POLRMT: variants seen among roughly 807,000 people sequenced by gnomAD.
The protein encoded by POLRMT is RNA polymerase mitochondrial.
In POLRMT, 114 loss-of-function variants were observed where a neutral mutation model predicts 132.2. That is an observed-to-expected ratio of 0.86 (90% CI 0.74 to 1.01). The LOEUF is 1.01. Among genes scored for constraint, POLRMT ranks in the 50% least tolerant of loss-of-function variants. POLRMT has a pLI of 0.00. For synonymous variants in POLRMT, 1,020 were observed against 773.4 expected (o/e 1.32, Z -5.29); for missense variants, 2,003 against 1,729.1 (o/e 1.16, Z -2.81).
chr19:623,432 G>C (rs775311805), intron 6 of POLRMT, 22 bp downstream of exon 6: 2 of 1,607,548 alleles, frequency 1.2e-6, no homozygotes, highest in Non-Finnish European at 1.7e-6. Flanking sequence ...CGGCGGACAC[G>C]GGACCCCGGC....
intron 15 of POLRMT, 93 bp from the exon 16 acceptor site, chr19:618,853 G>C: frequency 6.9e-7 from 1 of 1,448,852 alleles, no homozygotes; most frequent in East Asian, 2.5e-5. Flanking sequence ...TGGCACGCTA[G>C]GATGGTGGCA....
rs563912664 is a variant in POLRMT, at chr19:620,479, C to T, written c.2649G>A (p.Lys883=). 151 of 1,591,222 alleles carry T rather than the reference C, an allele frequency of 9.5e-5. No individual in the cohort carries two copies. In the South Asian group the frequency reaches 1.5e-3, roughly 16 times the overall value. Residue 883 remains lysine (K), a synonymous_variant, in exon 11 of 21, where the codon AAG becomes AAA. Transcript: ENST00000588649. Reference sequence around the variant, plus strand: ...AGGGTTCCTCCGCGCCCATCCACCACTTTCGGCCCTGCGGGGACAGCGGAT... The same window carrying T: ...AGGGTTCCTCCGCGCCCATCCACCATTTTCGGCCCTGCGGGGACAGCGGAT... ...DSADQPLTGR[K]WWMGAEEPWQ...
rs1265375487 is a variant in POLRMT at position 632,318 on chromosome 19, C to T, written c.193+516G>A. ...GCAGACAGGATGTGGGACAGAAGCA[C>T]CGGCGGGAAGCAAGCACAGGGAAGC... On this transcript the variant is annotated intron_variant, in intron 2 of 20. Transcript: ENST00000588649. Among the ~76,000 whole-genome samples the T allele has an allele frequency of 5.3e-5, 8 of 152,330 alleles. No individual in the cohort carries two copies. The South Asian group carries it at 1.2e-3, about 24-fold the overall frequency.
Position 621,682 on chromosome 19 carries a change from G to C in POLRMT, c.2016C>G (p.Arg672=). The C allele has an allele frequency of 6.4e-7, 1 of 1,574,070 alleles. No homozygotes were observed. Among genetic ancestry groups the C allele is most frequent in the Non-Finnish European group, 8.6e-7 (1 of 1,163,042 alleles). The change falls in exon 10 of 21, where the codon CGC becomes CGG. Residue 672 remains arginine, a synonymous_variant. Coordinates refer to ENST00000588649, the MANE Select transcript of POLRMT (RefSeq NM_005035.4). ...GGTGCTGCGTGGCGCCTTCCACCGT[G>C]CGCATCAGCTTGGTGGGGCTGAGCA... is the stretch of plus-strand genomic sequence containing the variant. ...AFLLSPTKLM[R]TVEGATQHQE...
At position 617,229 on chromosome 19, in the gene POLRMT, G is replaced by A. The variant is rs1404735666; in HGVS notation, c.*45C>T. On this transcript the variant is annotated 3_prime_UTR_variant, in exon 21 of 21. Transcript: ENST00000588649. ...TTCCTGAAGACAGTGGCTCCTGGGG[G>A]TGGCAAAAGAGCTTTATTTACACAC... is the stretch of plus-strand genomic sequence containing the variant. 2 of 1,604,820 alleles carry A rather than the reference G, an allele frequency of 1.2e-6. No individual in the cohort carries two copies. Among genetic ancestry groups the A allele is most frequent in the East Asian group, 2.2e-5 (1 of 44,824 alleles).
intron 2 of POLRMT, 145 bp from the exon 3 acceptor site, chr19:630,313 C>T (rs974070192): frequency 6.4e-5 from 63 of 982,504 alleles, no homozygotes; most frequent in Non-Finnish European, 8.5e-5. Context: ...TTGCCAACAA[C>T]GTTGTAAGGT....
At chr19:618,445 C>T (rs754669875) in intron 17 of POLRMT, 43 bp downstream of exon 17, 13 of 1,474,280 alleles carry the variant, frequency 8.8e-6, no homozygotes, top group African/African-American at 7.0e-5. Flanking sequence ...CAGAAGACGC[C>T]CCTGGGAGGC....
At chr19:617,378 C>T (rs768128195) in intron 20 of POLRMT, 41 bp downstream of exon 20, 15 of 1,612,272 alleles carry the variant, frequency 9.3e-6, no homozygotes, top group Admixed American at 1.7e-5. Context: ...CGCCCTGGCC[C>T]GCAGTTCGAG....
chr19:627,914 G>C (rs1394065503), intron 3 of POLRMT, among the ~76,000 whole-genome samples: 2 of 124,852 alleles, frequency 1.6e-5, no homozygotes, highest in Non-Finnish European at 3.3e-5. Flanking sequence ...AACAGACAGA[G>C]AGTCTATCTC....
chr19:618,647 TCCA>T, intron 16 of POLRMT, 55 bp downstream of exon 16: 2 of 1,600,282 alleles, frequency 1.2e-6, no homozygotes, highest in Non-Finnish European at 1.7e-6. Flanking sequence ...GGCCGCTGTC[TCCA>T]CCGTGGCTGC....
At position 620,477 on chromosome 19, in the gene POLRMT, C is replaced by G. The variant is rs1984436086; in HGVS notation, c.2651G>C (p.Trp884Ser). 1.9e-6 allele frequency: 3 copies of G among 1,592,214 alleles called. No individual in the cohort carries two copies. Among genetic ancestry groups the G allele is most frequent in the Non-Finnish European group, 2.6e-6 (3 of 1,168,232 alleles). ...CCAGGGTTCCTCCGCGCCCATCCAC[C>G]ACTTTCGGCCCTGCGGGGACAGCGG... ...SADQPLTGRKWWMGAEEPWQT... is the reference protein window; with the variant it reads ...SADQPLTGRKSWMGAEEPWQT... The change falls in exon 11 of 21, where the codon TGG becomes TCG. Residue 884 changes from tryptophan (W) to serine (S), a missense_variant. Coordinates refer to ENST00000588649, the MANE Select transcript of POLRMT (RefSeq NM_005035.4).
At chr19:626,114 G>A (rs1984999224) in intron 3 of POLRMT, among the ~76,000 whole-genome samples, 1 of 151,966 alleles carries the variant, frequency 6.6e-6, no homozygotes, top group South Asian at 2.1e-4. Context: ...ATCTCCAAGT[G>A]TTTTCGAACT....
chr19:619,159 C>T (rs772009448), intron 14 of POLRMT, 49 bp from the exon 15 acceptor site: 76 of 1,610,040 alleles, frequency 4.7e-5, no homozygotes, highest in Middle Eastern at 3.3e-4. Flanking sequence ...CCGGGGATCC[C>T]GTCCACTTGC....
At chr19:623,716 G>A (rs1984812866) in intron 5 of POLRMT, 113 bp from the exon 6 acceptor site, 8 of 1,323,822 alleles carry the variant, frequency 6.0e-6, no homozygotes, top group Non-Finnish European at 7.3e-6. Context: ...AGTTGCTGGT[G>A]GCTATCGCTG....
chr19:629,831 G>A lies in POLRMT; in HGVS notation c.531C>T (p.Asp177=), dbSNP rs775408203. 3.1e-6 allele frequency: 5 copies of A among 1,603,114 alleles called. No individual in the cohort carries two copies. Among genetic ancestry groups the A allele is most frequent in the Non-Finnish European group, 4.3e-6 (5 of 1,175,368 alleles). The change falls in exon 3 of 21, where the codon GAC becomes GAT. Residue 177 remains aspartate, a synonymous_variant. Coordinates refer to ENST00000588649, the MANE Select transcript of POLRMT (RefSeq NM_005035.4). ...GGCTCTCGGGGGCCTGGCGCGTGCA[G>A]TCCTCCAGGCACCCGGCCATCTGCT... ...LSKQMAGCLE[D]CTRQAPESPW...
At chr19:629,039 A>G (rs1291858305) in intron 3 of POLRMT, among the ~76,000 whole-genome samples, 1 of 152,162 alleles carries the variant, frequency 6.6e-6, no homozygotes, top group East Asian at 1.9e-4. Flanking sequence ...GAAAACGGCA[A>G]GGGAAATTGG....
intron 18 of POLRMT, 40 bp from the exon 19 acceptor site, chr19:617,695 G>A (rs373082226): frequency 1.9e-6 from 3 of 1,610,940 alleles, no homozygotes; most frequent in Admixed American, 1.7e-5. Context: ...TGATCAGGCA[G>A]GCTCTGGGCA....
In POLRMT at chr19:622,145, G is replaced by A; in HGVS notation, c.1851+4C>T. 1.3e-6 allele frequency: 2 copies of A among 1,544,710 alleles called. No homozygotes were observed. Among genetic ancestry groups the A allele is most frequent in the Non-Finnish European group, 8.7e-7 (1 of 1,147,428 alleles). The stretch of plus-strand genomic sequence containing the variant: ...CCCCAGCTCAGGAGGGCACTGCCTG[G>A]CACCTGCTGGACGTTGCGGAAGGAA... On this transcript the variant is annotated splice_donor_region_variant and intron_variant, in intron 9 of 20. Coordinates refer to ENST00000588649, the MANE Select transcript of POLRMT (RefSeq NM_005035.4).
In POLRMT at chr19:620,051, A is replaced by G. The variant is rs768353510; in HGVS notation, c.2793T>C (p.Tyr931=). ...CCACGCTGTCGCGGCCCAGAGCAGCATAATGCTGCAGGCCGTTGCAAGAGC... is the reference window on the plus strand; with the variant it reads ...CCACGCTGTCGCGGCCCAGAGCAGCGTAATGCTGCAGGCCGTTGCAAGAGC... ...QDGSCNGLQH[Y]AALGRDSVGA... Residue 931 remains tyrosine, a synonymous_variant, in exon 12 of 21, where the codon TAT becomes TAC. Transcript: ENST00000588649. 9 of 1,550,454 alleles carry G rather than the reference A, an allele frequency of 5.8e-6. No individual in the cohort carries two copies. Among genetic ancestry groups the G allele is most frequent in the South Asian group, 1.2e-5 (1 of 85,450 alleles).
Sources: allele counts gnomAD v4.1 joint callset (sites outside exome capture counted in the v4.1 genomes callset), GRCh38; gene constraint gnomAD v4.1.1; transcripts MANE v1.5; gene names NCBI Gene and HGNC (gene_info 2026-07-23, HGNC 2026-07-21).